Variants in MKLN1 observed in about 807,000 individuals in gnomAD.
The protein encoded by MKLN1 is muskelin 1.
MKLN1 carries 18 observed loss-of-function variants against 99.0 expected under a neutral mutation model. The observed-to-expected ratio is 0.18, with a 90% CI of 0.13 to 0.27. The LOEUF (loss-of-function observed/expected upper bound fraction) is 0.27. MKLN1 is among the 10% of genes least tolerant of loss of function. The probability of loss-of-function intolerance (pLI) is 1.00; values close to 1 mark genes in which losing one functional copy is unlikely to be tolerated. For synonymous variants in MKLN1, 288 were observed against 293.2 expected, an observed-to-expected ratio of 0.98 and a Z score of 0.18; for missense variants, 621 against 875.9, an observed-to-expected ratio of 0.71 and a Z score of 3.67.
intron 1 of MKLN1, among the ~76,000 whole-genome samples, chr7:131,360,916 G>A (rs867979910): frequency 6.6e-6 from 1 of 152,070 alleles, no homozygotes; most frequent in African/African-American, 2.4e-5. Flanking sequence ...GGATATAGAT[G>A]TCTAGGTTAG....
intron 9 of MKLN1, among the ~76,000 whole-genome samples, chr7:131,436,117 T>C (rs1207357242): frequency 6.6e-6 from 1 of 152,214 alleles, no homozygotes; most frequent in Non-Finnish European, 1.5e-5. Context: ...GAAGATATTC[T>C]TTGACAAAAA....
intron 3 of MKLN1, among the ~76,000 whole-genome samples, chr7:131,254,003 A>G (rs1055780850): frequency 4.1e-4 from 63 of 152,230 alleles, no homozygotes; most frequent in African/African-American, 1.2e-3. Flanking sequence ...TTGGAACACA[A>G]TGTGGAACAA....
In MKLN1 at chr7:131,443,743, T is replaced by C. The variant is rs376448752; in HGVS notation, c.1395+41T>C. On this transcript the variant is annotated intron_variant, in intron 11 of 17. Coordinates refer to ENST00000352689, the MANE Select transcript of MKLN1 (RefSeq NM_013255.5). ...ACATTGCGTAAATGTTATTTTGTCATGTATATCTAGATAGGAAAAGAAGTG... is the reference window on the plus strand; with the variant it reads ...ACATTGCGTAAATGTTATTTTGTCACGTATATCTAGATAGGAAAAGAAGTG... 8.7e-6 allele frequency: 12 copies of C among 1,371,600 alleles called. No homozygotes were observed. The South Asian group carries it at 9.3e-5, about 11-fold the overall frequency. The allele number at this position is 1,371,600 out of a possible 1,614,324, so 85.0% of individuals were successfully genotyped here.
chr7:131,359,765 A>T (rs1428139978), intron 1 of MKLN1, among the ~76,000 whole-genome samples: 2 of 150,624 alleles, frequency 1.3e-5, no homozygotes, highest in Admixed American at 6.6e-5. Flanking sequence ...ACAGGGTTTC[A>T]CTCTGTCACC....
Position 131,152,947 on chromosome 7 carries a change from A to G in MKLN1, c.-297+10006A>G, listed in dbSNP as rs374602841. 1.8e-4 allele frequency among the ~76,000 whole-genome samples: 28 copies of G among 151,772 alleles called. No homozygotes were observed. The East Asian group carries it at 3.3e-3, about 18-fold the overall frequency. ...TTGTTTGTCCTGTAGAACTTCCCAC[A>G]GTCTGGATGTTTCTGATTGCATTCC... On this transcript the variant is annotated intron_variant, in intron 2 of 7. Transcript: ENST00000416992.
At chr7:131,113,209 G>A (rs183699161) in intron 1 of MKLN1, among the ~76,000 whole-genome samples, 7 of 152,306 alleles carry the variant, frequency 4.6e-5, no homozygotes, top group Admixed American at 2.6e-4. Flanking sequence ...CTTGAGATGC[G>A]TTCTGAAGGA....
intron 1 of MKLN1, among the ~76,000 whole-genome samples, chr7:131,350,198 T>C (rs1799678703): frequency 6.6e-6 from 1 of 152,088 alleles, no homozygotes; most frequent in African/African-American, 2.4e-5. Context: ...ATTTTATTAG[T>C]TATTTTTTAT....
chr7:131,130,960 G>A (rs1294282065), intron 1 of MKLN1, among the ~76,000 whole-genome samples: 1 of 148,964 alleles, frequency 6.7e-6, no homozygotes, highest in Non-Finnish European at 1.5e-5. Context: ...GCTGAGGTGG[G>A]AGGATTGCTT....
chr7:131,208,530 T>G (rs1328541125), intron 3 of MKLN1, among the ~76,000 whole-genome samples: 3 of 152,080 alleles, frequency 2.0e-5, no homozygotes, highest in South Asian at 4.1e-4. Context: ...GGGAGGTTGG[T>G]CGAGGCTGCA....
At position 131,483,350 on chromosome 7, in the gene MKLN1, A is replaced by G. The variant is rs1005933286; in HGVS notation, c.2087-4257A>G. Among the ~76,000 whole-genome samples, 13 of 152,220 alleles carry G rather than the reference A, an allele frequency of 8.5e-5. 1 individual carries two copies. The highest frequency in any genetic ancestry group is 6.2e-4 in the South Asian group (3 of 4,834). On this transcript the variant is annotated intron_variant, in intron 17 of 17. Transcript: ENST00000352689. ...CCTCAAGTATAATCACTTATACGTA[A>G]TACATCTTTACACACACACAACCAT...
At chr7:131,333,070 T>C (rs1799126706) in intron 1 of MKLN1, among the ~76,000 whole-genome samples, 1 of 152,136 alleles carries the variant, frequency 6.6e-6, no homozygotes. Context: ...ATTACAGGCG[T>C]GCACCACCAC....
chr7:131,113,135 G>A (rs948377944), intron 1 of MKLN1, among the ~76,000 whole-genome samples: 1 of 152,210 alleles, frequency 6.6e-6, no homozygotes, highest in Non-Finnish European at 1.5e-5. Context: ...TATCAACAGG[G>A]GAGCTCATAA....
At chr7:131,122,770 C>T (rs1226896002) in intron 1 of MKLN1, among the ~76,000 whole-genome samples, 1 of 151,856 alleles carries the variant, frequency 6.6e-6, no homozygotes, top group Non-Finnish European at 1.5e-5. Flanking sequence ...GCCTGTAATC[C>T]CAGTACTTTG....
chr7:131,420,762 G>A (rs533768127), intron 8 of MKLN1, among the ~76,000 whole-genome samples: 1 of 152,150 alleles, frequency 6.6e-6, no homozygotes, highest in Non-Finnish European at 1.5e-5. Context: ...CATGGACAAG[G>A]GGGGAAGGAC....
intron 2 of MKLN1, among the ~76,000 whole-genome samples, chr7:131,175,172 TTAGATAGATAGACAGA>T (rs773908622): frequency 0.023 from 2,560 of 113,754 alleles, 24 homozygotes; most frequent in Middle Eastern, 0.049. Flanking sequence ...ATAGATTAGA[TTAGATAGATAGACAGA>T]TAGATAGATA....
At chr7:131,414,097 A>C (rs1295571138) in intron 7 of MKLN1, among the ~76,000 whole-genome samples, 2 of 152,334 alleles carry the variant, frequency 1.3e-5, no homozygotes, top group East Asian at 3.9e-4. Flanking sequence ...CATTATACAA[A>C]GTTATATAAA....
chr7:131,301,908 CAT>C (rs751053604), intron 3 of MKLN1, among the ~76,000 whole-genome samples: 7 of 152,186 alleles, frequency 4.6e-5, no homozygotes, highest in Non-Finnish European at 8.8e-5. Context: ...TGCCAGGTAA[CAT>C]GTGCAATATT....
At chr7:131,214,327 A>G (rs764085907) in intron 3 of MKLN1, among the ~76,000 whole-genome samples, 1 of 152,138 alleles carries the variant, frequency 6.6e-6, no homozygotes, top group Non-Finnish European at 1.5e-5. Context: ...CTTGGCAATG[A>G]GACCTAAGTG....
intron 4 of MKLN1, among the ~76,000 whole-genome samples, chr7:131,394,148 T>C (rs1794286626): frequency 1.3e-5 from 2 of 152,166 alleles, no homozygotes; most frequent in South Asian, 4.1e-4. Context: ...TTAATATTTG[T>C]TGTTAAAAAA....
Sources: gnomAD v4.1 joint callset for allele counts (sites outside exome capture counted in the v4.1 genomes callset) on GRCh38, gnomAD v4.1.1 for gene constraint, MANE v1.5 for transcripts, NCBI Gene and HGNC (gene_info 2026-07-23, HGNC 2026-07-21) for gene names.